CELSR3: variants seen among roughly 807,000 people sequenced by gnomAD.
The protein encoded by CELSR3 is cadherin EGF LAG seven-pass G-type receptor 3.
A neutral mutation model predicts 270.0 loss-of-function variants in CELSR3; 73 were observed. The ratio of observed to expected loss-of-function variants is 0.27; its 90% CI spans 0.22 to 0.33. CELSR3 has a LOEUF of 0.33. CELSR3 is among the 10% of genes least tolerant of loss of function. The pLI, the probability that CELSR3 is intolerant of heterozygous loss-of-function variation, is 1.00. For missense variants in CELSR3, 3,614 were observed against 4,533.8 expected (o/e 0.80, Z 5.83); for synonymous variants, 1,780 against 1,905.4 (o/e 0.93, Z 1.71).
Position 48,651,597 on chromosome 3 carries a change from G to A in CELSR3, c.6045C>T (p.Phe2015=), listed in dbSNP as rs1159128627. The A allele has an allele frequency of 1.3e-5, 21 of 1,576,064 alleles. No individual in the cohort carries two copies. Among genetic ancestry groups the A allele is most frequent in the East Asian group, 2.3e-5 (1 of 44,404 alleles). The part of the protein sequence containing the change: ...GYTCDCVGGY[F]GHHCEHRMDQ... ...CTTACCTGTGCTCACAGTGGTGCCC[G>A]AAATAGCCACCCACACAGTCACAGG... is the stretch of plus-strand genomic sequence containing the variant. Residue 2015 remains phenylalanine, a synonymous_variant, in exon 13 of 35, where the codon TTC becomes TTT. Transcript: ENST00000164024. The surrounding 1 kb of genome is among the most constrained non-coding windows in gnomAD (Gnocchi z 7.4).
chr3:48,659,226 C>T lies in CELSR3; in HGVS notation c.3409G>A (p.Glu1137Lys). 2 of 1,614,214 alleles carry T rather than the reference C, an allele frequency of 1.2e-6. No homozygotes were observed. Among genetic ancestry groups the T allele is most frequent in the African/African-American group, 1.3e-5 (1 of 75,062 alleles). The change falls in exon 1 of 35, where the codon GAA (glutamate) becomes AAA (lysine). Residue 1137 changes from glutamate to lysine, a missense_variant. Physicochemically the swap from Glu to Lys is moderately conservative, Grantham distance 56. Transcript: ENST00000164024. This position sits in a 1 kb window ranked among gnomAD's most constrained non-coding sequence, Gnocchi z 8.1. Reference protein sequence around the residue: ...LIDLDYEARQEYVIVVQATSA... With the variant: ...LIDLDYEARQKYVIVVQATSA... ...GTGGCCTGCACCACAATCACATATT[C>T]TTGGCGAGCCTCATAGTCTAGGTCA...
Position 48,651,576 on chromosome 3 carries a change from C to T in CELSR3, c.6065+1G>A. 1 of 1,580,120 alleles carries T rather than the reference C, an allele frequency of 6.3e-7. No homozygotes were observed. Among genetic ancestry groups the T allele is most frequent in the Non-Finnish European group, 8.6e-7 (1 of 1,160,326 alleles). On this transcript the variant is annotated splice_donor_variant, in intron 13 of 34. Transcript: ENST00000164024. LOFTEE classifies it high-confidence loss of function. The surrounding 1 kb of genome is among the most constrained non-coding windows in gnomAD (Gnocchi z 7.4). The stretch of plus-strand genomic sequence containing the variant: ...CCATCGCCTCAGCCCCAGCCTCTTA[C>T]CTGTGCTCACAGTGGTGCCCGAAAT...
chr3:48,643,977 C>T, intron 27 of CELSR3: 1 of 586,824 alleles, frequency 1.7e-6, no homozygotes, highest in South Asian at 2.2e-5. Context: ...CCACCCAGGC[C>T]ATGGGAGACT....
At position 48,645,891 on chromosome 3, in the gene CELSR3, C is replaced by T; in HGVS notation, c.7464-23G>A. 1 of 1,587,822 alleles carries T rather than the reference C, an allele frequency of 6.3e-7. No individual in the cohort carries two copies. Among genetic ancestry groups the T allele is most frequent in the South Asian group, 1.1e-5 (1 of 90,334 alleles). ...GCCCTGCAGCCACAGGGCAGTTAGA[C>T]ACAACTGTGACCCAGTGTCAGGCAG... On this transcript the variant is annotated intron_variant, in intron 22 of 34. Transcript: ENST00000164024. This position sits in a 1 kb window ranked among gnomAD's most constrained non-coding sequence, Gnocchi z 5.4.
Position 48,651,649 on chromosome 3 carries a change from T to G in CELSR3, c.5993A>C (p.His1998Pro), listed in dbSNP as rs757296505. 1.3e-5 allele frequency: 20 copies of G among 1,590,264 alleles called. No homozygotes were observed. Among genetic ancestry groups the G allele is most frequent in the Middle Eastern group, 1.7e-4 (1 of 5,776 alleles). The change falls in exon 13 of 35, where the codon CAC (histidine) becomes CCC (proline). Residue 1998 changes from histidine (H) to proline (P), a missense_variant. This residue lies in a region of CELSR3 where 1,331 missense variants were observed against 1,933.7 expected (regional missense o/e 0.69). Coordinates refer to ENST00000164024, the MANE Select transcript of CELSR3 (RefSeq NM_001407.3). This position sits in a 1 kb window ranked among gnomAD's most constrained non-coding sequence, Gnocchi z 7.4. ...NPCQNQGSCR[H>P]LPGAPHGYTC... ...ATAGCCATGGGGGGCTCCTGGCAGG[T>G]GCCGGCATGATCCCTGGTTCTGACA...
Position 48,645,992 on chromosome 3 carries a change from A to G in CELSR3, c.7463+98T>C. 6.3e-7 allele frequency: 1 copy of G among 1,578,876 alleles called. No individual in the cohort carries two copies. The highest frequency in any genetic ancestry group is 8.6e-7 in the Non-Finnish European group (1 of 1,157,720). On this transcript the variant is annotated intron_variant, in intron 22 of 34. Transcript: ENST00000164024. The surrounding 1 kb of genome is among the most constrained non-coding windows in gnomAD (Gnocchi z 5.4). The stretch of plus-strand genomic sequence containing the variant: ...CAGCATTCCTCATGGTCCGGGTTGC[A>G]CAACAGCACTAGTGGGGGCCCCAGG...
Position 48,646,001 on chromosome 3 carries a change from CT to C in CELSR3, c.7463+88del, listed in dbSNP as rs1251012728. The C allele has an allele frequency of 1.9e-6, 3 of 1,583,764 alleles. No individual in the cohort carries two copies. The highest frequency in any genetic ancestry group is 2.6e-6 in the Non-Finnish European group (3 of 1,161,146). On this transcript the variant is annotated intron_variant, in intron 22 of 34. Transcript: ENST00000164024. This position sits in a 1 kb window ranked among gnomAD's most constrained non-coding sequence, Gnocchi z 4.8. ...TCATGGTCCGGGTTGCACAACAGCA[CT>C]AGTGGGGGCCCCAGGGGAAGGCTGG...
chr3:48,648,261 C>T lies in CELSR3; in HGVS notation c.6973+5G>A. On this transcript the variant is annotated splice_donor_5th_base_variant and intron_variant, in intron 19 of 34. Transcript: ENST00000164024. ...GTGCCCCGCCCTACCCCACCCACAA[C>T]GCACTGATATTAGGCGTCACCAGCC... 2 of 684,506 alleles carry T rather than the reference C, an allele frequency of 2.9e-6. No individual in the cohort carries two copies. Among genetic ancestry groups the T allele is most frequent in the Non-Finnish European group, 5.0e-6 (2 of 399,604 alleles). The allele number at this position is 684,506 out of a possible 1,614,324, so 42.4% of individuals were successfully genotyped here. A position where few individuals can be genotyped will look rare whatever the true frequency, so the allele number is the denominator to read the frequency against.
In CELSR3 at chr3:48,644,440, G is replaced by T; in HGVS notation, c.8086-145C>A. 1 of 740,880 alleles carries T rather than the reference G, an allele frequency of 1.3e-6. No individual in the cohort carries two copies. Among genetic ancestry groups the T allele is most frequent in the Non-Finnish European group, 2.3e-6 (1 of 441,754 alleles). The allele number at this position is 740,880 out of a possible 1,614,324, so 45.9% of individuals were successfully genotyped here. A position where few individuals can be genotyped will look rare whatever the true frequency, so the allele number is the denominator to read the frequency against. Reference sequence around the variant, plus strand: ...ACACATATACACACACACCAAAGGAGCTTAGCATCACAGAAAAAGAAATTG... The same window carrying T: ...ACACATATACACACACACCAAAGGATCTTAGCATCACAGAAAAAGAAATTG... On this transcript the variant is annotated intron_variant, in intron 26 of 34. Coordinates refer to ENST00000164024, the MANE Select transcript of CELSR3 (RefSeq NM_001407.3). This position sits in a 1 kb window ranked among gnomAD's most constrained non-coding sequence, Gnocchi z 4.8.
At position 48,654,654 on chromosome 3, in the gene CELSR3, A is replaced by T. The variant is rs554167337; in HGVS notation, c.4989-202T>A. Among the ~76,000 whole-genome samples the T allele has an allele frequency of 6.6e-6, 1 of 151,798 alleles. No homozygotes were observed. Among genetic ancestry groups the T allele is most frequent in the Non-Finnish European group, 1.5e-5 (1 of 67,994 alleles). ...CGTGATGGGCCGATGGTCTGGGGAAAGGTAGGTGAATGGGGGTTGAGAGCT... is the reference window on the plus strand; with the variant it reads ...CGTGATGGGCCGATGGTCTGGGGAATGGTAGGTGAATGGGGGTTGAGAGCT... On this transcript the variant is annotated intron_variant, in intron 6 of 34. Transcript: ENST00000164024. This position sits in a 1 kb window ranked among gnomAD's most constrained non-coding sequence, Gnocchi z 5.4.
Position 48,661,763 on chromosome 3 carries a change from G to A in CELSR3, c.872C>T (p.Pro291Leu). 1 of 1,594,970 alleles carries A rather than the reference G, an allele frequency of 6.3e-7. No homozygotes were observed. Among genetic ancestry groups the A allele is most frequent in the Non-Finnish European group, 8.5e-7 (1 of 1,172,724 alleles). ...LFRCRFLPQRPGPRPPGLPAR... is the reference protein window; with the variant it reads ...LFRCRFLPQRLGPRPPGLPAR... Reference sequence around the variant, plus strand: ...CGGGAGTCCCGGGGGACGCGGCCCGGGGCGCTGCGGGAGGAAGCGGCAGCG... The same window carrying A: ...CGGGAGTCCCGGGGGACGCGGCCCGAGGCGCTGCGGGAGGAAGCGGCAGCG... The change falls in exon 1 of 35, where the codon CCC becomes CTC. Residue 291 changes from proline to leucine, a missense_variant. Around this residue, in one of 7 missense-constraint regions of CELSR3, gnomAD observed 470 missense variants for 469.7 expected, o/e 1.00. Coordinates refer to ENST00000164024, the MANE Select transcript of CELSR3 (RefSeq NM_001407.3).
At chr3:48,643,438 G>T in intron 28 of CELSR3, 116 bp downstream of exon 28, 1 of 1,394,334 alleles carries the variant, frequency 7.2e-7, no homozygotes. Context: ...ACCCAGCCTG[G>T]CAAAGTTATC....
chr3:48,654,965 G>T lies in CELSR3; in HGVS notation c.4988+79C>A. 1 of 1,390,974 alleles carries T rather than the reference G, an allele frequency of 7.2e-7. No homozygotes were observed. The highest frequency in any genetic ancestry group is 1.0e-6 in the Non-Finnish European group (1 of 980,644). The allele number at this position is 1,390,974 out of a possible 1,614,324, so 86.2% of individuals were successfully genotyped here. A position where few individuals can be genotyped will look rare whatever the true frequency, so the allele number is the denominator to read the frequency against. ...AAAGATGGGAGAGTTTGGCAGGATG[G>T]GATGAGGAATGGGATGTGAAGGGTT... On this transcript the variant is annotated intron_variant, in intron 6 of 34. Coordinates refer to ENST00000164024, the MANE Select transcript of CELSR3 (RefSeq NM_001407.3). This position sits in a 1 kb window ranked among gnomAD's most constrained non-coding sequence, Gnocchi z 5.4.
In CELSR3 at chr3:48,659,824, G is replaced by A; in HGVS notation, c.2811C>T (p.Gly937=). ...AAGTAGTGTCTGCCTTCTGTGGGAT[G>A]CCATTGTCCCGAGCTGTGATAGCCA... is the stretch of plus-strand genomic sequence containing the variant. ...YTLAITARDN[G]IPQKADTTYV... is the part of the protein sequence containing the mutation. Residue 937 remains glycine, a synonymous_variant, in exon 1 of 35, where the codon GGC becomes GGT. Transcript: ENST00000164024. The surrounding 1 kb of genome is among the most constrained non-coding windows in gnomAD (Gnocchi z 8.1). 6.2e-7 allele frequency: 1 copy of A among 1,614,238 alleles called. No individual in the cohort carries two copies. Among genetic ancestry groups the A allele is most frequent in the Non-Finnish European group, 8.5e-7 (1 of 1,180,038 alleles).
In CELSR3 at chr3:48,641,917, G is replaced by T; in HGVS notation, c.8758C>A (p.Arg2920=). The T allele has an allele frequency of 6.3e-7, 1 of 1,596,250 alleles. No individual in the cohort carries two copies. The highest frequency in any genetic ancestry group is 1.1e-5 in the South Asian group (1 of 88,464). The part of the protein sequence containing the change: ...SSESEDNGRT[R]GRFQRPLCRA... Reference sequence around the variant, plus strand: ...CAGAGTGGCCGTTGGAAGCGCCCCCGCGTCCGGCCATTGTCCTCGCTTTCT... The same window carrying T: ...CAGAGTGGCCGTTGGAAGCGCCCCCTCGTCCGGCCATTGTCCTCGCTTTCT... Residue 2920 remains arginine, a synonymous_variant, in exon 32 of 35, where the codon CGG becomes AGG. Transcript: ENST00000164024. This position sits in a 1 kb window ranked among gnomAD's most constrained non-coding sequence, Gnocchi z 4.8.
Position 48,639,463 on chromosome 3 carries a change from G to C in CELSR3, c.9911+211C>G, listed in dbSNP as rs1302350899. Among the ~76,000 whole-genome samples, 1 of 152,160 alleles carries C rather than the reference G, an allele frequency of 6.6e-6. No homozygotes were observed. The highest frequency in any genetic ancestry group is 1.5e-5 in the Non-Finnish European group (1 of 68,026). Reference sequence around the variant, plus strand: ...GTGCTGGGAAGGCTGGCTGGCTCCAGTCACACAGCCAGCAAGTCCCTGCTA... The same window carrying C: ...GTGCTGGGAAGGCTGGCTGGCTCCACTCACACAGCCAGCAAGTCCCTGCTA... On this transcript the variant is annotated intron_variant, in intron 34 of 34. Coordinates refer to ENST00000164024, the MANE Select transcript of CELSR3 (RefSeq NM_001407.3). This position sits in a 1 kb window ranked among gnomAD's most constrained non-coding sequence, Gnocchi z 4.1.
At position 48,655,981 on chromosome 3, in the gene CELSR3, G is replaced by C; in HGVS notation, c.4626-130C>G. 3.6e-6 allele frequency: 4 copies of C among 1,103,530 alleles called. No homozygotes were observed. Among genetic ancestry groups the C allele is most frequent in the Non-Finnish European group, 5.3e-6 (4 of 759,042 alleles). 68.4% of individuals were successfully genotyped at this position (1,103,530 alleles called of 1,614,324 possible). On this transcript the variant is annotated intron_variant, in intron 3 of 34. Coordinates refer to ENST00000164024, the MANE Select transcript of CELSR3 (RefSeq NM_001407.3). This position sits in a 1 kb window ranked among gnomAD's most constrained non-coding sequence, Gnocchi z 5.8. The stretch of plus-strand genomic sequence containing the variant: ...GCGACGAGGGACGGCGGGACCGACC[G>C]GGGGGACGCGGGTGCAGCGAGGTCA...
At position 48,653,051 on chromosome 3, in the gene CELSR3, C is replaced by A. The variant is rs377189060; in HGVS notation, c.5585G>T (p.Arg1862Leu). ...RLELQEEPGG[R>L]RGHHVLMVSL... ...GACCATAAGGACATGGTGGCCCCGC[C>A]GGCCACCTGGTTCCTCCTGCAACTC... Residue 1862 changes from arginine (R) to leucine (L), a missense_variant, in exon 10 of 35, where the codon CGG becomes CTG. Physicochemically the swap from Arg to Leu is moderately radical, Grantham distance 102. Transcript: ENST00000164024. The surrounding 1 kb of genome is among the most constrained non-coding windows in gnomAD (Gnocchi z 6.5). The A allele has an allele frequency of 6.2e-7, 1 of 1,613,140 alleles. No homozygotes were observed. The highest frequency in any genetic ancestry group is 1.1e-5 in the South Asian group (1 of 91,084).
In CELSR3 at chr3:48,653,235, G is replaced by T; in HGVS notation, c.5449-48C>A. On this transcript the variant is annotated intron_variant, in intron 9 of 34. Transcript: ENST00000164024. This position sits in a 1 kb window ranked among gnomAD's most constrained non-coding sequence, Gnocchi z 6.5. ...CTGGGGTTAGAGCCCCATGTGGGCT[G>T]GGACTTGGAGGTGAGATCAGAGGGC... The T allele has an allele frequency of 1.3e-6, 2 of 1,562,016 alleles. No individual in the cohort carries two copies. Among genetic ancestry groups the T allele is most frequent in the South Asian group, 2.3e-5 (2 of 88,260 alleles).
Sources: gnomAD v4.1 joint callset for allele counts (sites outside exome capture counted in the v4.1 genomes callset) on GRCh38, gnomAD v4.1.1 for gene constraint, gnomAD v4.1.1 regional missense constraint, Gnocchi (gnomAD v3.1) non-coding constraint, MANE v1.5 for transcripts, NCBI Gene and HGNC (gene_info 2026-07-23, HGNC 2026-07-21) for gene names.